CDYL: variants seen among roughly 807,000 people sequenced by gnomAD.
CDYL encodes chromodomain Y-like protein.
Under a neutral mutation model 47.3 loss-of-function variants are expected in CDYL, and 8 were observed. The ratio of observed to expected loss-of-function variants is 0.17; its 90% CI spans 0.10 to 0.31. The LOEUF is 0.31. Ranked by LOEUF, CDYL falls within the 10% of genes least tolerant of loss-of-function variation. The pLI, the probability that CDYL is intolerant of heterozygous loss-of-function variation, is 1.00. For synonymous variants in CDYL, 266 were observed against 265.0 expected (o/e 1.00, Z -0.04); for missense variants, 471 against 701.4 (o/e 0.67, Z 3.71).
chr6:4,851,738 A>C (rs1760835336), intron 1 of CDYL, among the ~76,000 whole-genome samples: 1 of 152,234 alleles, frequency 6.6e-6, no homozygotes, highest in Non-Finnish European at 1.5e-5. Flanking sequence ...GCACGTAGTC[A>C]TTCAGGCTTT....
At chr6:4,857,996 G>A (rs550249889) in intron 1 of CDYL, among the ~76,000 whole-genome samples, 28 of 79,678 alleles carry the variant, frequency 3.5e-4, no homozygotes, top group Admixed American at 9.3e-4. Context: ...TTTTCTACCC[G>A]CCCCCGCCCC....
Position 4,881,472 on chromosome 6 carries a change from G to A in CDYL, c.25-10241G>A, listed in dbSNP as rs554337928. ...CTGCATCCCGGGCCTCAGAAATTCT[G>A]TGGGAGAGACCTGGCATTTCATGGT... On this transcript the variant is annotated intron_variant, in intron 1 of 6. Coordinates refer to ENST00000397588, the MANE Select transcript of CDYL (RefSeq NM_004824.4). 3.9e-5 allele frequency among the ~76,000 whole-genome samples: 6 copies of A among 152,258 alleles called. No homozygotes were observed. The East Asian group carries it at 1.2e-3, about 29-fold the overall frequency.
At chr6:4,783,234 A>T (rs1758663862) in intron 1 of CDYL, among the ~76,000 whole-genome samples, 1 of 148,046 alleles carries the variant, frequency 6.8e-6, no homozygotes, top group African/African-American at 2.5e-5. Context: ...GGGACTATGG[A>T]TGGAAAAGTT....
At chr6:4,845,512 T>C (rs1276647055) in intron 1 of CDYL, among the ~76,000 whole-genome samples, 3 of 152,226 alleles carry the variant, frequency 2.0e-5, no homozygotes, top group Non-Finnish European at 4.4e-5. Flanking sequence ...TCATTGAGCT[T>C]TTACGATATT....
At chr6:4,929,212 G>C (rs770032356) in intron 2 of CDYL, among the ~76,000 whole-genome samples, 4 of 151,782 alleles carry the variant, frequency 2.6e-5, no homozygotes, top group South Asian at 2.1e-4. Flanking sequence ...CATTTGTGCT[G>C]TGTATATAGG....
intron 1 of CDYL, among the ~76,000 whole-genome samples, chr6:4,866,789 A>G (rs974578773): frequency 1.3e-5 from 2 of 152,086 alleles, no homozygotes; most frequent in Non-Finnish European, 1.5e-5. Flanking sequence ...CAATAAATGA[A>G]TGGGTTAATA....
At chr6:4,752,874 A>AGGTAGGT (rs371655263) in intron 3 of CDYL, among the ~76,000 whole-genome samples, 5,612 of 150,736 alleles carry the variant, frequency 0.037, 249 homozygotes, top group African/African-American at 0.11. Context: ...ATAGGTAGGT[A>AGGTAGGT]GGTAGGTATG....
intron 3 of CDYL, among the ~76,000 whole-genome samples, chr6:4,763,523 A>G (rs529499530): frequency 2.0e-4 from 31 of 152,366 alleles, no homozygotes; most frequent in Middle Eastern, 6.8e-3. Context: ...TGTCCAGGAA[A>G]AAAATAAAAG....
chr6:4,720,010 C>T (rs1302424163), intron 2 of CDYL, among the ~76,000 whole-genome samples: 7 of 152,322 alleles, frequency 4.6e-5, no homozygotes, highest in African/African-American at 1.7e-4. Flanking sequence ...AACATTGTGA[C>T]CCAATAATTA....
chr6:4,762,645 C>CAAAAAAAAAAAAAAAA (rs1173404314), intron 3 of CDYL, among the ~76,000 whole-genome samples: 2 of 39,622 alleles, frequency 5.0e-5, no homozygotes, highest in African/African-American at 7.7e-5. Context: ...TAAAGGGTAC[C>CAAAAAAAAAAAAAAAA]AAAAAAAAAA....
chr6:4,874,264 G>A (rs1276173140), intron 1 of CDYL, among the ~76,000 whole-genome samples: 4 of 151,998 alleles, frequency 2.6e-5, no homozygotes, highest in Non-Finnish European at 2.9e-5. Flanking sequence ...TTGAAAGAGC[G>A]TTTTGTTAAT....
chr6:4,722,157 A>G (rs1473391254), intron 2 of CDYL, among the ~76,000 whole-genome samples: 1 of 152,150 alleles, frequency 6.6e-6, no homozygotes, highest in Non-Finnish European at 1.5e-5. Flanking sequence ...CCGGCCAGAG[A>G]AATATTTTTT....
intron 1 of CDYL, among the ~76,000 whole-genome samples, chr6:4,801,863 G>A (rs1480027988): frequency 6.6e-6 from 1 of 152,132 alleles, no homozygotes; most frequent in Non-Finnish European, 1.5e-5. Flanking sequence ...TAAAAATATT[G>A]CTTTCTGGTT....
intron 1 of CDYL, among the ~76,000 whole-genome samples, chr6:4,813,019 C>T (rs896241556): frequency 5.3e-5 from 8 of 152,074 alleles, no homozygotes; most frequent in Non-Finnish European, 7.4e-5. Flanking sequence ...AATTGATTGC[C>T]GTTGTATAGG....
chr6:4,814,681 C>T (rs921090752), intron 1 of CDYL, among the ~76,000 whole-genome samples: 2 of 152,082 alleles, frequency 1.3e-5, no homozygotes, highest in African/African-American at 4.8e-5. Context: ...GGCTACCATG[C>T]CTGGCTAATT....
At chr6:4,906,434 C>T (rs1757238823) in intron 2 of CDYL, among the ~76,000 whole-genome samples, 2 of 152,162 alleles carry the variant, frequency 1.3e-5, no homozygotes, top group Admixed American at 6.5e-5. Flanking sequence ...AGCTTCTGAC[C>T]CTTCTCTGGG....
chr6:4,941,343 C>T (rs1166987770), intron 4 of CDYL, among the ~76,000 whole-genome samples: 1 of 152,218 alleles, frequency 6.6e-6, no homozygotes, highest in Non-Finnish European at 1.5e-5. Context: ...CTTGGTTAAG[C>T]CTTTATGGTC....
At chr6:4,909,740 T>A (rs536161351) in intron 2 of CDYL, among the ~76,000 whole-genome samples, 2 of 152,050 alleles carry the variant, frequency 1.3e-5, no homozygotes, top group East Asian at 3.9e-4. Context: ...CTGGCTATTT[T>A]TTTTTTTTTA....
intron 2 of CDYL, among the ~76,000 whole-genome samples, chr6:4,927,293 T>C (rs1757903470): frequency 6.6e-6 from 1 of 152,178 alleles, no homozygotes; most frequent in African/African-American, 2.4e-5. Context: ...TTTATGTATA[T>C]GTGCCCTTCG....
Sources: allele counts gnomAD v4.1 joint callset (sites outside exome capture counted in the v4.1 genomes callset), GRCh38; gene constraint gnomAD v4.1.1; transcripts MANE v1.5; gene names NCBI Gene and HGNC (gene_info 2026-07-23, HGNC 2026-07-21).